The following TANC2 variants were observed in gnomAD, a reference collection of about 807,000 sequenced individuals.
The protein encoded by TANC2 is protein TANC2.
TANC2 carries 26 observed loss-of-function variants against 210.5 expected under a neutral mutation model. That is an observed-to-expected ratio of 0.12 (90% CI 0.09 to 0.17). TANC2 has a LOEUF of 0.17. Ranked by LOEUF, TANC2 falls within the 10% of genes least tolerant of loss-of-function variation. The pLI is 1.00. For synonymous variants in TANC2, 931 were observed against 967.1 expected, an observed-to-expected ratio of 0.96 and a Z score of 0.69; for missense variants, 2,129 against 2,608.9, an observed-to-expected ratio of 0.82 and a Z score of 4.01.
chr17:63,307,459 G>C (rs1347186715), intron 9 of TANC2, among the ~76,000 whole-genome samples: 1 of 152,082 alleles, frequency 6.6e-6, no homozygotes, highest in Non-Finnish European at 1.5e-5. Context: ...ATAATTATCA[G>C]CTAACTTGTC....
chr17:63,355,781 T>C (rs923540845), intron 14 of TANC2, among the ~76,000 whole-genome samples: 1 of 152,220 alleles, frequency 6.6e-6, no homozygotes, highest in Non-Finnish European at 1.5e-5. Flanking sequence ...TTCAAAGTTT[T>C]TATTGCCCTT....
intron 1 of TANC2, among the ~76,000 whole-genome samples, chr17:62,997,450 G>C (rs775176918): frequency 6.6e-6 from 1 of 152,148 alleles, no homozygotes; most frequent in Non-Finnish European, 1.5e-5. Context: ...CTAGAAAATG[G>C]ATAGCATTTA....
chr17:63,084,661 C>T (rs747636056), intron 3 of TANC2, among the ~76,000 whole-genome samples: 12 of 151,890 alleles, frequency 7.9e-5, no homozygotes, highest in Non-Finnish European at 1.5e-4. Flanking sequence ...CACTGCATCC[C>T]GCAGATTTTG....
intron 3 of TANC2, among the ~76,000 whole-genome samples, chr17:63,079,937 G>C (rs1208025991): frequency 6.6e-6 from 1 of 152,172 alleles, no homozygotes; most frequent in Non-Finnish European, 1.5e-5. Flanking sequence ...TGGGAGACAG[G>C]CTCTTGAAAT....
chr17:63,159,583 A>G (rs2039953505), intron 5 of TANC2, among the ~76,000 whole-genome samples: 1 of 152,194 alleles, frequency 6.6e-6, no homozygotes, highest in African/African-American at 2.4e-5. Context: ...TAAAAAATTC[A>G]CACACAAAAA....
At chr17:62,996,485 CT>C (rs375573574) in intron 1 of TANC2, among the ~76,000 whole-genome samples, 37 of 148,412 alleles carry the variant, frequency 2.5e-4, no homozygotes, top group Admixed American at 7.4e-4. Flanking sequence ...CGTCACTTCC[CT>C]TTTTTTTTTG....
chr17:63,067,989 C>A (rs1017161177), intron 2 of TANC2, among the ~76,000 whole-genome samples: 7 of 152,222 alleles, frequency 4.6e-5, no homozygotes, highest in African/African-American at 1.7e-4. Context: ...AGGATAAATG[C>A]AAAGAAATTC....
chr17:63,237,847 G>A lies in TANC2; in HGVS notation c.803G>A (p.Arg268His), dbSNP rs144412511. 22 of 1,549,712 alleles carry A rather than the reference G, an allele frequency of 1.4e-5. No homozygotes were observed. The highest frequency in any genetic ancestry group is 1.7e-4 in the Middle Eastern group (1 of 5,980). ...ACAAGCTATTCTGAAAATGTGGAAC[G>A]CACAAAATATGCTGGGGAAAGCAGT... is the stretch of plus-strand genomic sequence containing the variant. Residue 268 changes from arginine to histidine, a missense_variant, in exon 8 of 28, where the codon CGC becomes CAC. By Grantham distance (29) the Arg-to-His change is conservative. Around this residue, in one of 5 missense-constraint regions of TANC2, gnomAD observed 739 missense variants for 848.0 expected, o/e 0.87. Transcript: ENST00000689528.
At chr17:63,425,185 C>T (rs2049115077) in exon 28 of TANC2, 1 of 152,174 alleles carries the variant, frequency 6.6e-6, no homozygotes, top group South Asian at 2.1e-4. Flanking sequence ...TCTCGCTCCT[C>T]CCCCATGTGC....
chr17:63,022,353 A>AG (rs1555756160), intron 2 of TANC2, among the ~76,000 whole-genome samples: 1 of 151,574 alleles, frequency 6.6e-6, no homozygotes, highest in Non-Finnish European at 1.5e-5. Flanking sequence ...AAAAAAAAAA[A>AG]AGAATGACAA....
intron 14 of TANC2, 82 bp from the exon 15 acceptor site, chr17:63,379,636 T>A (rs753558341): frequency 6.1e-6 from 7 of 1,139,472 alleles, no homozygotes; most frequent in Non-Finnish European, 8.6e-6. Flanking sequence ...GCCACCGCAC[T>A]CTAGTCTGGG....
intron 2 of TANC2, among the ~76,000 whole-genome samples, chr17:63,055,993 ATATAT>A (rs2035787612): frequency 1.5e-4 from 2 of 13,366 alleles, no homozygotes; most frequent in South Asian, 4.8e-3. Flanking sequence ...AAAAAAAAAT[ATATAT>A]ATATATATAT....
At position 62,993,428 on chromosome 17, in the gene TANC2, T is replaced by C. The variant is rs935906587; in HGVS notation, c.-23-16109T>C. Reference sequence around the variant, plus strand: ...GATCAATTTGGAGACTATTGCCATCTTACCATTAAGTCTTTCAATCCATGG... The same window carrying C: ...GATCAATTTGGAGACTATTGCCATCCTACCATTAAGTCTTTCAATCCATGG... On this transcript the variant is annotated intron_variant, in intron 1 of 27. Transcript: ENST00000689528. Among the ~76,000 whole-genome samples, 7 of 152,370 alleles carry C rather than the reference T, an allele frequency of 4.6e-5. No homozygotes were observed. The East Asian group carries it at 1.3e-3, about 29-fold the overall frequency.
chr17:63,106,882 G>A lies in TANC2; in HGVS notation c.322+7525G>A, dbSNP rs185463916. On this transcript the variant is annotated intron_variant, in intron 4 of 27. Transcript: ENST00000689528. ...TGAAAGTTTTATTTATAGTATTGTA[G>A]TGTTTATTTATAAAAGGATTATTTG... Among the ~76,000 whole-genome samples, 104 of 151,650 alleles carry A rather than the reference G, an allele frequency of 6.9e-4. 4 individuals are homozygous for A. The highest frequency in any genetic ancestry group is 2.5e-3 in the African/African-American group (104 of 41,026).
In TANC2 at chr17:63,418,728, G is replaced by A. The variant is rs1397905162; in HGVS notation, c.4268+321G>A. 6.6e-6 allele frequency among the ~76,000 whole-genome samples: 1 copy of A among 152,198 alleles called. No individual in the cohort carries two copies. The highest frequency in any genetic ancestry group is 2.4e-5 in the African/African-American group (1 of 41,448). ...GCAGCTAGCACAAAGAGACAACGGC[G>A]ACTTAAAGAAATCACTTAAGCAGAG... On this transcript the variant is annotated intron_variant, in intron 27 of 27. Transcript: ENST00000689528. The surrounding 1 kb of genome is among the most constrained non-coding windows in gnomAD (Gnocchi z 4.6).
chr17:63,254,539 C>T (rs537445867), intron 8 of TANC2, among the ~76,000 whole-genome samples: 2 of 152,188 alleles, frequency 1.3e-5, no homozygotes, highest in East Asian at 3.9e-4. Context: ...AAGTGGGCAT[C>T]CTTGTCTTGT....
chr17:63,248,759 C>T (rs2042981961), intron 8 of TANC2, among the ~76,000 whole-genome samples: 2 of 152,028 alleles, frequency 1.3e-5, no homozygotes, highest in African/African-American at 4.8e-5. Context: ...TATATTGTTC[C>T]ATAATGCCAA....
intron 8 of TANC2, among the ~76,000 whole-genome samples, chr17:63,254,546 T>C (rs529514873): frequency 2.0e-4 from 30 of 152,376 alleles, no homozygotes; most frequent in Non-Finnish European, 3.8e-4. Flanking sequence ...CATCCTTGTC[T>C]TGTTCTAGTT....
chr17:63,263,817 G>T lies in TANC2; in HGVS notation c.1034-3931G>T, dbSNP rs573540150. On this transcript the variant is annotated intron_variant, in intron 8 of 27. Coordinates refer to ENST00000689528, the Ensembl canonical transcript of TANC2. ...AGGCATAATGCATTTATTGAGAATA[G>T]AATGTAAATAAGACATAGTCCCTGC... 1.0e-3 allele frequency among the ~76,000 whole-genome samples: 156 copies of T among 152,266 alleles called. 1 individual carries two copies. The highest frequency in any genetic ancestry group is 3.6e-3 in the African/African-American group (150 of 41,558).
Sources: gnomAD v4.1 joint callset for allele counts (sites outside exome capture counted in the v4.1 genomes callset) on GRCh38, gnomAD v4.1.1 for gene constraint, gnomAD v4.1.1 regional missense constraint, Gnocchi (gnomAD v3.1) non-coding constraint, MANE v1.5 for transcripts, NCBI Gene and HGNC (gene_info 2026-07-23, HGNC 2026-07-21) for gene names.